The following PAM variants were observed in gnomAD, a reference collection of about 807,000 sequenced individuals.
The protein encoded by PAM is peptidyl-glycine alpha-amidating monooxygenase.
In PAM, 72 loss-of-function variants were observed where a neutral mutation model predicts 122.1. The observed-to-expected ratio is 0.59, with a 90% confidence interval of 0.49 to 0.72. The LOEUF (loss-of-function observed/expected upper bound fraction) is 0.72, where lower values mean the gene tolerates loss of function less well. Among genes scored for constraint, PAM ranks in the 30% least tolerant of loss-of-function variants. The pLI is 0.00. For synonymous variants in PAM, 389 were observed against 404.4 expected (o/e 0.96, Z 0.46); for missense variants, 1,106 against 1,183.7 (o/e 0.93, Z 0.96).
chr5:102,992,940 C>G (rs935756143), intron 16 of PAM, among the ~76,000 whole-genome samples: 1 of 151,994 alleles, frequency 6.6e-6, no homozygotes, highest in Non-Finnish European at 1.5e-5. Context: ...ATAATAATTC[C>G]TAATTAATAC....
At chr5:102,963,168 T>G (rs1441219916) in intron 14 of PAM, among the ~76,000 whole-genome samples, 3 of 151,844 alleles carry the variant, frequency 2.0e-5, no homozygotes, top group Non-Finnish European at 4.4e-5. Flanking sequence ...AGTCTGTGTA[T>G]GATCCTACCA....
intron 1 of PAM, among the ~76,000 whole-genome samples, chr5:102,794,433 T>C (rs1408909422): frequency 6.6e-6 from 1 of 152,190 alleles, no homozygotes; most frequent in Non-Finnish European, 1.5e-5. Context: ...AGTGACTAGA[T>C]GAGGAGATTT....
chr5:102,861,924 C>T (rs1784302539), intron 1 of PAM, among the ~76,000 whole-genome samples: 1 of 152,084 alleles, frequency 6.6e-6, no homozygotes, highest in Non-Finnish European at 1.5e-5. Flanking sequence ...AATCTCAGCA[C>T]TTCAGGAGGC....
At chr5:102,829,047 A>G (rs1236125565) in intron 1 of PAM, among the ~76,000 whole-genome samples, 1 of 151,896 alleles carries the variant, frequency 6.6e-6, no homozygotes, top group East Asian at 1.9e-4. Flanking sequence ...GTTATTTTAA[A>G]GACTTAAAGA....
intron 7 of PAM, among the ~76,000 whole-genome samples, chr5:102,941,728 T>C (rs1002774095): frequency 6.7e-6 from 1 of 149,620 alleles, no homozygotes; most frequent in African/African-American, 2.5e-5. Flanking sequence ...AGGAACTAAT[T>C]TAAAAAAACT....
chr5:102,980,072 G>T (rs1769242693), intron 15 of PAM, among the ~76,000 whole-genome samples: 1 of 151,990 alleles, frequency 6.6e-6, no homozygotes, highest in South Asian at 2.1e-4. Flanking sequence ...TTTTCTAAAA[G>T]TATTGTTTCC....
intron 21 of PAM, among the ~76,000 whole-genome samples, chr5:103,015,334 C>A (rs546864673): frequency 6.6e-6 from 1 of 152,070 alleles, no homozygotes; most frequent in East Asian, 1.9e-4. Context: ...AATTTCCTTA[C>A]GAGTTTTTAA....
intron 15 of PAM, among the ~76,000 whole-genome samples, chr5:102,976,744 C>T (rs1414032447): frequency 1.3e-5 from 2 of 152,180 alleles, no homozygotes; most frequent in Non-Finnish European, 2.9e-5. Context: ...ATATCTTTGA[C>T]ATCTCTTGTT....
intron 5 of PAM, among the ~76,000 whole-genome samples, chr5:102,915,650 A>G (rs887073066): frequency 2.0e-5 from 3 of 152,152 alleles, no homozygotes; most frequent in Non-Finnish European, 4.4e-5. Flanking sequence ...TTCTGAAATT[A>G]CCAATATTTA....
At chr5:102,927,160 G>C (rs1044547333) in intron 7 of PAM, among the ~76,000 whole-genome samples, 1 of 151,988 alleles carries the variant, frequency 6.6e-6, no homozygotes, top group Admixed American at 6.6e-5. Flanking sequence ...CTGCTGTAAG[G>C]CACAGACCCC....
chr5:102,863,057 G>A (rs1180710682), intron 1 of PAM, among the ~76,000 whole-genome samples: 1 of 144,494 alleles, frequency 6.9e-6, no homozygotes, highest in African/African-American at 2.9e-5. Flanking sequence ...AGCCAAATTA[G>A]TTTTATGGTC....
intron 1 of PAM, among the ~76,000 whole-genome samples, chr5:102,840,108 T>C (rs1778193736): frequency 6.6e-6 from 1 of 152,182 alleles, no homozygotes; most frequent in Non-Finnish European, 1.5e-5. Context: ...ACATGTAATT[T>C]TATATGTAAA....
chr5:102,916,575 T>C (rs908444360), intron 5 of PAM, among the ~76,000 whole-genome samples: 1 of 149,862 alleles, frequency 6.7e-6, no homozygotes, highest in Admixed American at 6.7e-5. Context: ...CTAGAAGACA[T>C]ACATTAAGTA....
intron 1 of PAM, among the ~76,000 whole-genome samples, chr5:102,800,056 T>C (rs1764296682): frequency 1.3e-5 from 2 of 152,248 alleles, no homozygotes; most frequent in African/African-American, 4.8e-5. Context: ...GGCTCCTTTA[T>C]TTCATTGTCT....
Position 102,827,883 on chromosome 5 carries a change from TC to T in PAM, c.-373-37939del, listed in dbSNP as rs1462743907. On this transcript the variant is annotated intron_variant, in intron 1 of 25. Transcript: ENST00000438793. ...TTGTATTTTTAGTAGAGACGGGGTT[TC>T]ACCTTGTTAGCCAGGATGGTGAAGC... Among the ~76,000 whole-genome samples, 5 of 14,022 alleles carry T rather than the reference TC, an allele frequency of 3.6e-4. 1 individual carries two copies. Among genetic ancestry groups the T allele is most frequent in the Middle Eastern group, 0.062 (1 of 16 alleles). 9.2% of individuals were successfully genotyped at this position (14,022 alleles called of 152,430 possible). A position where few individuals can be genotyped will look rare whatever the true frequency, so the allele number is the denominator to read the frequency against.
At chr5:102,974,529 A>T in intron 15 of PAM, 93 bp downstream of exon 15, 1 of 779,734 alleles carries the variant, frequency 1.3e-6, no homozygotes. Flanking sequence ...TGGGTGAAAA[A>T]ATTCATCAAT....
intron 7 of PAM, among the ~76,000 whole-genome samples, chr5:102,935,269 C>CTT (rs145419441): frequency 8.9e-4 from 131 of 147,856 alleles, no homozygotes; most frequent in African/African-American, 3.2e-3. Flanking sequence ...GTACTTTTTT[C>CTT]TTTTTTTTTT....
At chr5:102,885,359 A>G (rs980160434) in intron 3 of PAM, among the ~76,000 whole-genome samples, 8 of 151,992 alleles carry the variant, frequency 5.3e-5, no homozygotes, top group African/African-American at 1.9e-4. Context: ...TATCAGTTAT[A>G]ATATTTAGCC....
rs568269458 is a variant in PAM at position 102,779,134 on chromosome 5, T to C, written c.-374+23786T>C. Among the ~76,000 whole-genome samples the C allele has an allele frequency of 2.8e-4, 43 of 152,098 alleles. No individual in the cohort carries two copies. The Middle Eastern group carries it at 0.01, about 36-fold the overall frequency. ...GTCTCCTTTTTCATAGCATATGTTTTGCAGTGCCCTCTTTATTACCAAGAA... is the reference window on the plus strand; with the variant it reads ...GTCTCCTTTTTCATAGCATATGTTTCGCAGTGCCCTCTTTATTACCAAGAA... On this transcript the variant is annotated intron_variant, in intron 1 of 25. Transcript: ENST00000438793.
Sources: gnomAD v4.1 joint callset for allele counts (sites outside exome capture counted in the v4.1 genomes callset) on GRCh38, gnomAD v4.1.1 for gene constraint, MANE v1.5 for transcripts, NCBI Gene and HGNC (gene_info 2026-07-23, HGNC 2026-07-21) for gene names.